Variants in RERE observed in about 807,000 individuals in gnomAD.
RERE encodes arginine-glutamic acid dipeptide repeats, also known as arginine-glutamic acid dipeptide repeats protein.
In RERE, 40 loss-of-function variants were observed where a neutral mutation model predicts 146.1. The observed-to-expected ratio is 0.27, with a 90% confidence interval of 0.21 to 0.36. The LOEUF is 0.36. Among genes scored for constraint, RERE ranks in the 10% least tolerant of loss-of-function variants. The pLI is 1.00. For missense variants in RERE, 1,933 were observed against 2,138.7 expected, an observed-to-expected ratio of 0.90 and a Z score of 1.90; for synonymous variants, 1,003 against 866.0, an observed-to-expected ratio of 1.16 and a Z score of -2.78.
rs570530146 is a variant in RERE at position 8,390,042 on chromosome 1, G to C, written c.1285-24068C>G. Among the ~76,000 whole-genome samples the C allele has an allele frequency of 4.6e-5, 7 of 152,332 alleles. No individual in the cohort carries two copies. The East Asian group carries it at 1.3e-3, about 29-fold the overall frequency. On this transcript the variant is annotated intron_variant, in intron 12 of 22. Transcript: ENST00000400908. The stretch of plus-strand genomic sequence containing the variant: ...GGTTAAGAACAAGAGTAGTTAGACA[G>C]TGAGGATGTTAACATAAGGAGGTGG...
chr1:8,475,585 G>T (rs1644745605), intron 10 of RERE, among the ~76,000 whole-genome samples: 1 of 151,652 alleles, frequency 6.6e-6, no homozygotes, highest in East Asian at 1.9e-4. Flanking sequence ...AGGAGGCTGA[G>T]GCAGAAGAAT....
At chr1:8,797,674 G>T (rs1641504330) in intron 1 of RERE, among the ~76,000 whole-genome samples, 1 of 152,172 alleles carries the variant, frequency 6.6e-6, no homozygotes, top group African/African-American at 2.4e-5. Flanking sequence ...GTCAGGGTTT[G>T]TGTCACCTCT....
At chr1:8,781,034 CA>C (rs1338977419) in intron 1 of RERE, among the ~76,000 whole-genome samples, 2 of 149,862 alleles carry the variant, frequency 1.3e-5, no homozygotes, top group Non-Finnish European at 3.0e-5. Flanking sequence ...CCAGCCTGGG[CA>C]ACATAGGGAG....
At chr1:8,727,612 G>A (rs1225962881) in intron 1 of RERE, among the ~76,000 whole-genome samples, 3 of 152,008 alleles carry the variant, frequency 2.0e-5, no homozygotes, top group Non-Finnish European at 4.4e-5. Context: ...TCCTGCCTCC[G>A]CCTCCCAAGT....
chr1:8,754,558 ATTGT>A (rs1342722863), intron 1 of RERE, among the ~76,000 whole-genome samples: 2 of 152,170 alleles, frequency 1.3e-5, no homozygotes, highest in African/African-American at 2.4e-5. Flanking sequence ...ATGGGAGGAA[ATTGT>A]TTGATCTACA....
intron 17 of RERE, 114 bp downstream of exon 17, chr1:8,361,649 C>G: frequency 7.6e-7 from 1 of 1,315,062 alleles, no homozygotes; most frequent in South Asian, 1.3e-5. Context: ...TGTCAAAGGC[C>G]ACTCCAGCCC....
intron 1 of RERE, among the ~76,000 whole-genome samples, chr1:8,707,441 C>T (rs576992476): frequency 1.3e-5 from 2 of 152,238 alleles, no homozygotes; most frequent in South Asian, 2.1e-4. Flanking sequence ...TCCACCACTC[C>T]GCTCTGTCAC....
intron 1 of RERE, among the ~76,000 whole-genome samples, chr1:8,806,608 C>T (rs1030217092): frequency 3.9e-5 from 6 of 152,066 alleles, no homozygotes; most frequent in South Asian, 2.1e-4. Flanking sequence ...CTCAATAATA[C>T]CATACGTTAA....
chr1:8,802,872 T>G (rs1641613347), intron 1 of RERE, among the ~76,000 whole-genome samples: 2 of 152,142 alleles, frequency 1.3e-5, no homozygotes, highest in Non-Finnish European at 2.9e-5. Flanking sequence ...TAGGTCTTGT[T>G]TACCTGCAAC....
At chr1:8,785,196 T>A (rs1641237922) in intron 1 of RERE, among the ~76,000 whole-genome samples, 1 of 152,194 alleles carries the variant, frequency 6.6e-6, no homozygotes, top group Non-Finnish European at 1.5e-5. Flanking sequence ...GCCCCCTCAG[T>A]ATGAACCATA....
At chr1:8,534,082 C>G (rs1320141629) in intron 7 of RERE, among the ~76,000 whole-genome samples, 3 of 152,210 alleles carry the variant, frequency 2.0e-5, no homozygotes, top group Admixed American at 6.5e-5. Context: ...TGCTCATCTT[C>G]AAAAGCTACA....
chr1:8,693,504 A>G (rs1358242454), intron 1 of RERE, among the ~76,000 whole-genome samples: 4 of 152,200 alleles, frequency 2.6e-5, no homozygotes, highest in Non-Finnish European at 4.4e-5. Context: ...AAGACTACAT[A>G]CTGTATGAGT....
intron 12 of RERE, among the ~76,000 whole-genome samples, chr1:8,380,362 G>A (rs1228405008): frequency 1.9e-4 from 27 of 139,364 alleles, no homozygotes; most frequent in South Asian, 9.0e-4. Context: ...TTTTTTAAAC[G>A]AAACAAAACA....
intron 12 of RERE, among the ~76,000 whole-genome samples, chr1:8,396,762 T>A (rs1643070683): frequency 6.6e-6 from 1 of 152,098 alleles, no homozygotes; most frequent in Non-Finnish European, 1.5e-5. Flanking sequence ...CAGATCTAAT[T>A]CCAAAACGCT....
intron 3 of RERE, among the ~76,000 whole-genome samples, chr1:8,615,603 C>T (rs1489793842): frequency 1.1e-4 from 16 of 152,070 alleles, no homozygotes; most frequent in Non-Finnish European, 1.9e-4. Context: ...ATATAAGAAC[C>T]TGTCTTACGG....
chr1:8,358,340 C>A lies in RERE; in HGVS notation c.4195G>T (p.Glu1399Ter). 6.2e-7 allele frequency: 1 copy of A among 1,612,440 alleles called. No individual in the cohort carries two copies. The highest frequency in any genetic ancestry group is 1.1e-5 in the South Asian group (1 of 91,062). Residue 1399 changes from glutamate to a stop codon, truncating the protein, a stop_gained, in exon 20 of 23, where the codon GAG (glutamate) becomes TAG (stop). Coordinates refer to ENST00000400908, the MANE Select transcript of RERE (RefSeq NM_001042681.2). LOFTEE classifies it high-confidence loss of function. Reference protein sequence around the residue: ...EMSYPDRLAAERIHAERMASL... With the variant: ...EMSYPDRLAA ...GCCATGCGCTCTGCGTGGATACGCT[C>A]GGCTGCCAGTCTGTCAGGGTAGCTC...
chr1:8,429,926 A>G (rs554848614), intron 11 of RERE: 1 of 152,458 alleles, frequency 6.6e-6, no homozygotes, highest in African/African-American at 2.4e-5. Flanking sequence ...GGCTCCACTG[A>G]AGACACAGAG....
intron 12 of RERE, 96 bp downstream of exon 12, chr1:8,422,631 C>A: frequency 1.1e-6 from 1 of 902,098 alleles, no homozygotes; most frequent in South Asian, 1.4e-5. Context: ...GAGCACAGCG[C>A]AGGGTTAAAG....
chr1:8,765,745 A>T (rs146819765), intron 1 of RERE, among the ~76,000 whole-genome samples: 3,975 of 152,318 alleles, frequency 0.026, 162 homozygotes, highest in African/African-American at 0.09. Context: ...CAAGGTCAGG[A>T]GATCGAGACC....
Sources: gnomAD v4.1 joint callset for allele counts (sites outside exome capture counted in the v4.1 genomes callset) on GRCh38, gnomAD v4.1.1 for gene constraint, MANE v1.5 for transcripts, NCBI Gene and HGNC (gene_info 2026-07-23, HGNC 2026-07-21) for gene names.